Variants in MEOX2 observed in about 807,000 individuals in gnomAD.
MEOX2 encodes the protein mesenchyme homeobox 2, also known as homeobox protein MOX-2.
A neutral mutation model predicts 27.0 loss-of-function variants in MEOX2; 11 were observed. The observed-to-expected ratio is 0.41, with a 90% confidence interval of 0.26 to 0.68. MEOX2 has a LOEUF of 0.68. MEOX2 is among the 30% of genes least tolerant of loss of function. The pLI, the probability that MEOX2 is intolerant of heterozygous loss-of-function variation, is 0.33. For missense variants in MEOX2, 436 were observed against 385.4 expected, an observed-to-expected ratio of 1.13 and a Z score of -1.10; for synonymous variants, 189 against 155.4, an observed-to-expected ratio of 1.22 and a Z score of -1.61.
In MEOX2 at chr7:15,621,012, G is replaced by A. The variant is rs147321747; in HGVS notation, c.690+5734C>T. Among the ~76,000 whole-genome samples the A allele has an allele frequency of 4.9e-3, 748 of 152,246 alleles. 8 individuals carry two copies. The highest frequency in any genetic ancestry group is 0.017 in the African/African-American group (710 of 41,540). On this transcript the variant is annotated intron_variant, in intron 2 of 2. Transcript: ENST00000262041. ...CTGCTTTCTCTCGTCTTCCCACTGT[G>A]AGATATTAAAAATCTGGTGGGAGTT...
At chr7:15,680,228 A>G (rs936203585) in intron 1 of MEOX2, 7 of 151,954 alleles carry the variant, frequency 4.6e-5, no homozygotes, top group African/African-American at 1.7e-4. Flanking sequence ...TCTGAAACAT[A>G]AAAACAACAT....
At chr7:15,642,293 A>T (rs1442589779) in intron 1 of MEOX2, among the ~76,000 whole-genome samples, 1 of 152,146 alleles carries the variant, frequency 6.6e-6, no homozygotes, top group East Asian at 1.9e-4. Flanking sequence ...TATTTCTGGA[A>T]GTCTTTGTTC....
At chr7:15,685,571 C>A (rs1290228087) in intron 1 of MEOX2, among the ~76,000 whole-genome samples, 3 of 152,176 alleles carry the variant, frequency 2.0e-5, no homozygotes, top group Admixed American at 6.5e-5. Context: ...CCCTCCCCAG[C>A]GCTGGGATGG....
intron 1 of MEOX2, among the ~76,000 whole-genome samples, chr7:15,675,203 A>T (rs1583791078): frequency 6.6e-6 from 1 of 152,238 alleles, no homozygotes. Flanking sequence ...GCACATTGCC[A>T]GCTATTAAAC....
In MEOX2 at chr7:15,611,560, C is replaced by T. The variant is rs943176645; in HGVS notation, c.*827G>A. On this transcript the variant is annotated 3_prime_UTR_variant, in exon 3 of 3. Transcript: ENST00000262041. ...TTTAAGCTATAAGATAGGAAGAATT[C>T]AGGAGCTAGGTAAGTTTTATAATAA... 3.9e-5 allele frequency: 6 copies of T among 152,514 alleles called. No homozygotes were observed. Among genetic ancestry groups the T allele is most frequent in the Admixed American group, 2.6e-4 (4 of 15,266 alleles). The allele number at this position is 152,514 out of a possible 1,614,324, so 9.4% of individuals were successfully genotyped here.
intron 2 of MEOX2, among the ~76,000 whole-genome samples, chr7:15,625,017 T>A (rs1044581270): frequency 6.6e-6 from 1 of 152,192 alleles, no homozygotes; most frequent in Non-Finnish European, 1.5e-5. Flanking sequence ...CAATGACAGA[T>A]AACCGTAGAC....
intron 1 of MEOX2, chr7:15,681,943 A>C (rs996202381): frequency 6.6e-6 from 1 of 151,766 alleles, no homozygotes; most frequent in African/African-American, 2.4e-5. Flanking sequence ...CCTTCCATTC[A>C]TTGCTAATGT....
intron 1 of MEOX2, among the ~76,000 whole-genome samples, chr7:15,676,717 A>G (rs1357722733): frequency 3.3e-5 from 5 of 151,980 alleles, no homozygotes; most frequent in Non-Finnish European, 7.4e-5. Context: ...CTAAAAATAT[A>G]AAAATTAGCG....
At chr7:15,656,358 A>G (rs1023939138) in intron 1 of MEOX2, among the ~76,000 whole-genome samples, 2 of 151,532 alleles carry the variant, frequency 1.3e-5, no homozygotes, top group African/African-American at 4.8e-5. Context: ...AACACTTAAT[A>G]TAATTATTGT....
intron 1 of MEOX2, among the ~76,000 whole-genome samples, chr7:15,663,507 ATT>A (rs57602664): frequency 3.0e-4 from 44 of 148,302 alleles, no homozygotes; most frequent in Middle Eastern, 6.9e-3. Flanking sequence ...TAATTTTTGT[ATT>A]TTTTTTTTTT....
chr7:15,667,921 G>A (rs554428834), intron 1 of MEOX2: 1 of 152,256 alleles, frequency 6.6e-6, no homozygotes, highest in Non-Finnish European at 1.5e-5. Flanking sequence ...GTGTTAAGCA[G>A]TCCCTCCCTA....
intron 1 of MEOX2, among the ~76,000 whole-genome samples, chr7:15,648,852 A>G (rs1052596235): frequency 1.3e-5 from 2 of 152,088 alleles, no homozygotes; most frequent in Non-Finnish European, 2.9e-5. Flanking sequence ...GTTGGAGTTT[A>G]GTTACCCAGG....
chr7:15,668,208 C>A (rs1226563751), intron 1 of MEOX2: 1 of 152,204 alleles, frequency 6.6e-6, no homozygotes. Flanking sequence ...AGACCTTTGC[C>A]TTCTCTTGCT....
chr7:15,635,510 G>A (rs1240624757), intron 1 of MEOX2, among the ~76,000 whole-genome samples: 1 of 151,984 alleles, frequency 6.6e-6, no homozygotes, highest in Non-Finnish European at 1.5e-5. Flanking sequence ...TTTAAGTGAA[G>A]AGGGTTAAAT....
At position 15,611,649 on chromosome 7, in the gene MEOX2, T is replaced by A. The variant is rs1307840048; in HGVS notation, c.*738A>T. ...TTGTTTTGTCTGTGGTACAAGAATATGTCCTATCAGACTCTACTGTATTTT... is the reference window on the plus strand; with the variant it reads ...TTGTTTTGTCTGTGGTACAAGAATAAGTCCTATCAGACTCTACTGTATTTT... On this transcript the variant is annotated 3_prime_UTR_variant, in exon 3 of 3. Transcript: ENST00000262041. 1.3e-5 allele frequency: 2 copies of A among 152,626 alleles called. No individual in the cohort carries two copies. Among genetic ancestry groups the A allele is most frequent in the African/African-American group, 2.4e-5 (1 of 41,440 alleles). 9.5% of individuals were successfully genotyped at this position (152,626 alleles called of 1,614,324 possible).
intron 1 of MEOX2, among the ~76,000 whole-genome samples, chr7:15,628,401 A>C (rs1188320848): frequency 6.6e-6 from 1 of 152,066 alleles, no homozygotes; most frequent in African/African-American, 2.4e-5. Flanking sequence ...TTGCCTCAAC[A>C]CCTTGGCACA....
intron 1 of MEOX2, among the ~76,000 whole-genome samples, chr7:15,646,960 A>G (rs924508636): frequency 2.0e-5 from 3 of 152,026 alleles, no homozygotes; most frequent in Admixed American, 6.6e-5. Flanking sequence ...AGTATTATCT[A>G]CACATCCAGT....
rs1397017620 is a variant in MEOX2 at position 15,674,326 on chromosome 7, T to A, written c.517+11560A>T. 3.3e-5 allele frequency among the ~76,000 whole-genome samples: 5 copies of A among 152,212 alleles called. No individual in the cohort carries two copies. The South Asian group carries it at 1.0e-3, about 32-fold the overall frequency. On this transcript the variant is annotated intron_variant, in intron 1 of 2. Transcript: ENST00000262041. Reference sequence around the variant, plus strand: ...TAAAGATGTTCAGAGAATACTCACTTTGGGAGTCCTGGGGGAAAGAACTAA... The same window carrying A: ...TAAAGATGTTCAGAGAATACTCACTATGGGAGTCCTGGGGGAAAGAACTAA...
At chr7:15,617,619 C>A (rs17168906) in intron 2 of MEOX2, among the ~76,000 whole-genome samples, 1 of 151,948 alleles carries the variant, frequency 6.6e-6, no homozygotes, top group East Asian at 1.9e-4. Context: ...CTTATTGGAG[C>A]CACTAATTGA....
Sources: gnomAD v4.1 joint callset for allele counts (sites outside exome capture counted in the v4.1 genomes callset) on GRCh38, gnomAD v4.1.1 for gene constraint, MANE v1.5 for transcripts, NCBI Gene and HGNC (gene_info 2026-07-23, HGNC 2026-07-21) for gene names.